Variants in IFT74 observed in about 807,000 individuals in gnomAD.
IFT74 encodes the protein intraflagellar transport 74, also known as intraflagellar transport protein 74 homolog.
In IFT74, 92 loss-of-function variants were observed where a neutral mutation model predicts 96.7. The ratio of observed to expected loss-of-function variants is 0.95; its 90% CI spans 0.80 to 1.13. IFT74 has a LOEUF of 1.13. Ranked by LOEUF, IFT74 falls within the 50% of genes most tolerant of loss-of-function variation. IFT74 has a pLI of 0.00. For synonymous variants in IFT74, 223 were observed against 213.2 expected, an observed-to-expected ratio of 1.05 and a Z score of -0.40; for missense variants, 811 against 698.2, an observed-to-expected ratio of 1.16 and a Z score of -1.82.
At chr9:27,029,288 A>T (rs962963332) in intron 13 of IFT74, among the ~76,000 whole-genome samples, 184 bp downstream of exon 13, 1 of 152,128 alleles carries the variant, frequency 6.6e-6, no homozygotes, top group African/African-American at 2.4e-5. Flanking sequence ...TAAACTGACC[A>T]CTTATGAGTT....
chr9:26,955,303 A>T (rs1235061346), upstream of IFT74, among the ~76,000 whole-genome samples: 2 of 152,232 alleles, frequency 1.3e-5, no homozygotes, highest in East Asian at 1.9e-4. Flanking sequence ...TGCTGGTGAT[A>T]GAACATTGCA....
chr9:26,956,690 G>C (rs1334392762), intron 1 of IFT74, among the ~76,000 whole-genome samples, 174 bp downstream of exon 1: 2 of 152,184 alleles, frequency 1.3e-5, no homozygotes, highest in East Asian at 3.8e-4. Flanking sequence ...CGAAGGTTGC[G>C]AACAGACCTC....
At chr9:26,951,981 C>A (rs1301711145), upstream of IFT74, among the ~76,000 whole-genome samples, 2 of 152,200 alleles carry the variant, frequency 1.3e-5, no homozygotes, top group Admixed American at 1.3e-4. Context: ...TACTGTGGAA[C>A]ATGACAGAAA....
chr9:27,055,935 G>C (rs1820141230), intron 17 of IFT74, among the ~76,000 whole-genome samples, 163 bp downstream of exon 17: 1 of 152,042 alleles, frequency 6.6e-6, no homozygotes, highest in African/African-American at 2.4e-5. Flanking sequence ...GGAATTTAGA[G>C]TGACTTAAAG....
intron 12 of IFT74, among the ~76,000 whole-genome samples, chr9:27,028,317 A>G (rs1339712099): frequency 6.6e-6 from 1 of 152,202 alleles, no homozygotes; most frequent in Non-Finnish European, 1.5e-5. Context: ...AATTTGGCTT[A>G]TAGAAACCTA....
intron 13 of IFT74, among the ~76,000 whole-genome samples, chr9:27,044,443 T>C (rs1359061267): frequency 6.6e-6 from 1 of 152,210 alleles, no homozygotes; most frequent in Admixed American, 6.5e-5. Flanking sequence ...GGAATGGACT[T>C]TCTTGGGAAC....
upstream of IFT74, among the ~76,000 whole-genome samples, chr9:26,954,364 C>G (rs1188967828): frequency 1.3e-5 from 2 of 152,192 alleles, no homozygotes; most frequent in African/African-American, 4.8e-5. Flanking sequence ...CAAACTTTAA[C>G]CAGTCAAATA....
In IFT74 at chr9:26,995,658, A is replaced by G. The variant is rs142770652; in HGVS notation, c.587+5463A>G. 322 of 1,613,844 alleles carry G rather than the reference A, an allele frequency of 2.0e-4. 1 individual carries two copies. The Middle Eastern group carries it at 3.1e-3, about 16-fold the overall frequency. On this transcript the variant is annotated intron_variant, in intron 8 of 19. Coordinates refer to ENST00000380062, the MANE Select transcript of IFT74 (RefSeq NM_025103.4). ...TTTGTTTCTGGTATCTGTGAAAGAGAGCTTGGATTTCCAGTAAAACCATCT... is the reference window on the plus strand; with the variant it reads ...TTTGTTTCTGGTATCTGTGAAAGAGGGCTTGGATTTCCAGTAAAACCATCT...
At chr9:27,044,409 T>C (rs914537432) in intron 13 of IFT74, among the ~76,000 whole-genome samples, 1 of 152,220 alleles carries the variant, frequency 6.6e-6, no homozygotes, top group African/African-American at 2.4e-5. Flanking sequence ...TACTCTGCTG[T>C]CTTGCTGGTG....
intron 9 of IFT74, among the ~76,000 whole-genome samples, chr9:27,010,985 G>A (rs1587349250): frequency 6.6e-6 from 1 of 152,108 alleles, no homozygotes; most frequent in Admixed American, 6.5e-5. Flanking sequence ...ACATTCCTTT[G>A]CTGACAATTT....
chr9:26,997,330 CTTT>C (rs773530183), intron 8 of IFT74, among the ~76,000 whole-genome samples: 12 of 123,582 alleles, frequency 9.7e-5, no homozygotes, highest in African/African-American at 2.1e-4. Context: ...GTTTCCTTTC[CTTT>C]TTTTTTTTTT....
chr9:27,053,961 A>C (rs1195831229), intron 16 of IFT74, among the ~76,000 whole-genome samples: 1 of 152,218 alleles, frequency 6.6e-6, no homozygotes, highest in East Asian at 1.9e-4. Context: ...AACAACATTT[A>C]AGTTTTGCTA....
At chr9:26,981,052 G>A (rs915773365) in intron 4 of IFT74, among the ~76,000 whole-genome samples, 1 of 152,166 alleles carries the variant, frequency 6.6e-6, no homozygotes, top group African/African-American at 2.4e-5. Flanking sequence ...CATGGCAGAA[G>A]AGTGGAAGGG....
At chr9:26,997,329 C>T (rs1328843496) in intron 8 of IFT74, among the ~76,000 whole-genome samples, 5 of 146,204 alleles carry the variant, frequency 3.4e-5, no homozygotes, top group Non-Finnish European at 7.5e-5. Flanking sequence ...TGTTTCCTTT[C>T]CTTTTTTTTT....
At chr9:27,060,442 C>CTT in intron 18 of IFT74, 149 bp from the exon 19 acceptor site, 2 of 393,820 alleles carry the variant, frequency 5.1e-6, no homozygotes, top group Non-Finnish European at 9.3e-6. Context: ...ATTATTTAAT[C>CTT]TTTTTTTTTC....
chr9:27,033,673 C>A (rs1461444045), intron 13 of IFT74, among the ~76,000 whole-genome samples: 1 of 151,722 alleles, frequency 6.6e-6, no homozygotes, highest in Non-Finnish European at 1.5e-5. Context: ...TTCATTGTAT[C>A]CACATTGATA....
At chr9:27,008,722 T>G (rs1030978113) in intron 8 of IFT74, among the ~76,000 whole-genome samples, 2 of 152,122 alleles carry the variant, frequency 1.3e-5, no homozygotes, top group Non-Finnish European at 2.9e-5. Context: ...TATATATAAG[T>G]CATTAAGGAT....
chr9:26,995,021 C>T (rs1455748893), intron 8 of IFT74: 1 of 152,054 alleles, frequency 6.6e-6, no homozygotes, highest in Admixed American at 6.6e-5. Flanking sequence ...GGAAGCATTT[C>T]AAAAAAATAT....
chr9:26,958,019 C>T (rs1011331249), intron 1 of IFT74, among the ~76,000 whole-genome samples: 1 of 152,082 alleles, frequency 6.6e-6, no homozygotes, highest in South Asian at 2.1e-4. Context: ...TCCCAAAGTT[C>T]TGGGATTACA....
Sources: gnomAD v4.1 joint callset for allele counts (sites outside exome capture counted in the v4.1 genomes callset) on GRCh38, gnomAD v4.1.1 for gene constraint, MANE v1.5 for transcripts, NCBI Gene and HGNC (gene_info 2026-07-23, HGNC 2026-07-21) for gene names.